Variants in GRID2 observed in about 807,000 individuals in gnomAD.
GRID2 encodes glutamate receptor ionotropic, delta-2.
In GRID2, 33 loss-of-function variants were observed where a neutral mutation model predicts 114.8. The observed-to-expected ratio is 0.29, with a 90% CI of 0.22 to 0.38. The LOEUF (loss-of-function observed/expected upper bound fraction) is 0.38. GRID2 is among the 10% of genes least tolerant of loss of function. The pLI, the probability that GRID2 is intolerant of heterozygous loss-of-function variation, is 1.00. For synonymous variants in GRID2, 505 were observed against 449.9 expected (o/e 1.12, Z -1.55); for missense variants, 1,184 against 1,257.7 (o/e 0.94, Z 0.89).
At chr4:93,060,830 T>A (rs1727717563) in intron 2 of GRID2, among the ~76,000 whole-genome samples, 1 of 152,082 alleles carries the variant, frequency 6.6e-6, no homozygotes, top group Non-Finnish European at 1.5e-5. Context: ...AGGCTGGGTG[T>A]GGTGGCTCCC....
intron 2 of GRID2, among the ~76,000 whole-genome samples, chr4:93,077,497 G>A (rs1729441823): frequency 6.6e-6 from 1 of 151,994 alleles, no homozygotes; most frequent in African/African-American, 2.4e-5. Context: ...AATCCAAGAA[G>A]TTTTATAAGG....
chr4:92,515,081 C>T (rs185493990), intron 1 of GRID2, among the ~76,000 whole-genome samples: 17 of 151,980 alleles, frequency 1.1e-4, no homozygotes, highest in East Asian at 2.0e-4. Flanking sequence ...TTCTTCTTGA[C>T]ATAGTCGATA....
intron 1 of GRID2, among the ~76,000 whole-genome samples, chr4:92,386,676 G>A (rs1178126848): frequency 6.6e-6 from 1 of 151,784 alleles, no homozygotes; most frequent in Non-Finnish European, 1.5e-5. Context: ...AAAGACATCT[G>A]TATTGCTTCT....
At chr4:92,765,284 C>T (rs1738204956) in intron 2 of GRID2, among the ~76,000 whole-genome samples, 1 of 152,112 alleles carries the variant, frequency 6.6e-6, no homozygotes, top group South Asian at 2.1e-4. Flanking sequence ...ACACATGGAA[C>T]TAATTTCAGA....
Position 92,459,773 on chromosome 4 carries a change from T to C in GRID2, c.89-130358T>C, listed in dbSNP as rs537562873. Among the ~76,000 whole-genome samples the C allele has an allele frequency of 4.4e-4, 67 of 151,910 alleles. 1 individual carries two copies. In the South Asian group the frequency reaches 0.013, roughly 30 times the overall value. ...ATTTCTCTAGATGTTTCTGTGAAGG[T>C]ATAGATGAGATTAGCATTTATAAGT... On this transcript the variant is annotated intron_variant, in intron 1 of 15. Coordinates refer to ENST00000282020, the MANE Select transcript of GRID2 (RefSeq NM_001510.4).
At chr4:92,657,754 A>C (rs1401385701) in intron 2 of GRID2, among the ~76,000 whole-genome samples, 1 of 151,682 alleles carries the variant, frequency 6.6e-6, no homozygotes, top group Non-Finnish European at 1.5e-5. Flanking sequence ...TTATTGAAAA[A>C]ATCCTTAGAC....
intron 2 of GRID2, among the ~76,000 whole-genome samples, chr4:93,072,369 A>G (rs1441626724): frequency 6.6e-6 from 1 of 152,186 alleles, no homozygotes; most frequent in Non-Finnish European, 1.5e-5. Flanking sequence ...TTATGAACTC[A>G]TAAAGGCTAA....
chr4:93,079,380 ATTC>A (rs1208820286), intron 2 of GRID2, among the ~76,000 whole-genome samples: 8 of 151,918 alleles, frequency 5.3e-5, no homozygotes, highest in South Asian at 2.1e-4. Flanking sequence ...ACTATTAGGG[ATTC>A]TTCTTCTTTC....
At chr4:93,733,666 T>C (rs1459744126) in intron 14 of GRID2, among the ~76,000 whole-genome samples, 2 of 152,130 alleles carry the variant, frequency 1.3e-5, no homozygotes, top group Non-Finnish European at 2.9e-5. Flanking sequence ...AGTTTTGTTT[T>C]GTTTTGTTTT....
chr4:92,356,945 A>T (rs2110193987), intron 1 of GRID2, among the ~76,000 whole-genome samples: 1 of 151,952 alleles, frequency 6.6e-6, no homozygotes, highest in Non-Finnish European at 1.5e-5. Context: ...AGGTTGGAAT[A>T]CCATATTCTT....
Position 92,636,647 on chromosome 4 carries a change from T to C in GRID2, c.244+46361T>C, listed in dbSNP as rs374879876. 2.6e-5 allele frequency among the ~76,000 whole-genome samples: 4 copies of C among 152,094 alleles called. No individual in the cohort carries two copies. In the East Asian group the frequency reaches 7.8e-4, roughly 30 times the overall value. On this transcript the variant is annotated intron_variant, in intron 2 of 15. Coordinates refer to ENST00000282020, the MANE Select transcript of GRID2 (RefSeq NM_001510.4). ...GTTTCCATTTCGTCAGACTTCAACATACTGTGAAATGGTGACATGTCAAAG... is the reference window on the plus strand; with the variant it reads ...GTTTCCATTTCGTCAGACTTCAACACACTGTGAAATGGTGACATGTCAAAG...
At chr4:93,763,283 G>A (rs937676208) in intron 14 of GRID2, among the ~76,000 whole-genome samples, 21 of 152,146 alleles carry the variant, frequency 1.4e-4, no homozygotes, top group African/African-American at 5.1e-4. Flanking sequence ...AGTAGATTGA[G>A]CTAAAGCTAG....
intron 8 of GRID2, among the ~76,000 whole-genome samples, chr4:93,244,361 C>T (rs924076128): frequency 1.3e-5 from 2 of 151,664 alleles, no homozygotes; most frequent in South Asian, 4.2e-4. Flanking sequence ...CTCCTAGGTA[C>T]AGTGGTTTCT....
At chr4:92,684,512 T>C (rs1328294381) in intron 2 of GRID2, among the ~76,000 whole-genome samples, 1 of 152,016 alleles carries the variant, frequency 6.6e-6, no homozygotes, top group East Asian at 1.9e-4. Flanking sequence ...AACAAGAACA[T>C]CATGTTAGGA....
intron 4 of GRID2, among the ~76,000 whole-genome samples, chr4:93,149,103 CT>C (rs1736506550): frequency 6.6e-6 from 1 of 152,016 alleles, no homozygotes; most frequent in Admixed American, 6.6e-5. Flanking sequence ...TTTGTGACCC[CT>C]CAGCAGCAGA....
intron 2 of GRID2, among the ~76,000 whole-genome samples, chr4:92,803,432 G>T (rs1740267030): frequency 6.6e-6 from 1 of 151,868 alleles, no homozygotes; most frequent in Non-Finnish European, 1.5e-5. Context: ...ACAAAGACGG[G>T]AAAGAAAATA....
At chr4:92,530,440 C>T (rs992888048) in intron 1 of GRID2, among the ~76,000 whole-genome samples, 1 of 142,810 alleles carries the variant, frequency 7.0e-6, no homozygotes, top group Non-Finnish European at 1.5e-5. Context: ...TAATTACCAA[C>T]TTATGGAAAA....
intron 10 of GRID2, among the ~76,000 whole-genome samples, chr4:93,436,384 T>C (rs868373094): frequency 5.3e-5 from 8 of 152,106 alleles, no homozygotes; most frequent in African/African-American, 1.9e-4. Flanking sequence ...GCTCTGACTA[T>C]GAAGTATTGT....
At chr4:93,533,118 T>C (rs1731620337) in intron 13 of GRID2, among the ~76,000 whole-genome samples, 1 of 152,136 alleles carries the variant, frequency 6.6e-6, no homozygotes, top group Non-Finnish European at 1.5e-5. Context: ...AACCCAACAG[T>C]TGTCCCACCT....
Sources: allele counts gnomAD v4.1 joint callset (sites outside exome capture counted in the v4.1 genomes callset), GRCh38; gene constraint gnomAD v4.1.1; transcripts MANE v1.5; gene names NCBI Gene and HGNC (gene_info 2026-07-23, HGNC 2026-07-21).